ATXN7L1: variants seen among roughly 807,000 people sequenced by gnomAD.
The protein encoded by ATXN7L1 is ataxin 7 like 1, also known as ataxin-7-like protein 1.
In ATXN7L1, 15 loss-of-function variants were observed where a neutral mutation model predicts 70.8. The observed-to-expected ratio is 0.21, with a 90% CI of 0.14 to 0.33. The LOEUF (loss-of-function observed/expected upper bound fraction) is 0.33, where lower values mean the gene tolerates loss of function less well. Ranked by LOEUF, ATXN7L1 falls within the 10% of genes least tolerant of loss-of-function variation. The probability of loss-of-function intolerance (pLI) is 1.00; values close to 1 mark genes in which losing one functional copy is unlikely to be tolerated. For missense variants in ATXN7L1, 975 were observed against 1,097.1 expected, an observed-to-expected ratio of 0.89 and a Z score of 1.57; for synonymous variants, 440 against 445.1, an observed-to-expected ratio of 0.99 and a Z score of 0.14.
At chr7:105,765,967 T>C (rs1250359129) in intron 3 of ATXN7L1, among the ~76,000 whole-genome samples, 1 of 152,008 alleles carries the variant, frequency 6.6e-6, no homozygotes. Context: ...TGACCAAGGA[T>C]GTCTAGTTAA....
chr7:105,637,529 C>T (rs974394701), intron 7 of ATXN7L1, among the ~76,000 whole-genome samples: 1 of 152,164 alleles, frequency 6.6e-6, no homozygotes, highest in African/African-American at 2.4e-5. Flanking sequence ...CTTCATTAAT[C>T]TCTGTACCCC....
chr7:105,869,801 C>T (rs980285865), intron 2 of ATXN7L1, among the ~76,000 whole-genome samples: 16 of 150,024 alleles, frequency 1.1e-4, no homozygotes, highest in African/African-American at 2.9e-4. Context: ...CTATTCAGGA[C>T]TTTTTTTTTT....
At chr7:105,837,708 C>T (rs562821713) in intron 2 of ATXN7L1, among the ~76,000 whole-genome samples, 9 of 152,196 alleles carry the variant, frequency 5.9e-5, no homozygotes, top group South Asian at 2.1e-4. Context: ...ACAGCAGGGA[C>T]GGAAGGACTC....
intron 3 of ATXN7L1, among the ~76,000 whole-genome samples, chr7:105,768,619 T>C (rs931061907): frequency 1.3e-5 from 2 of 152,250 alleles, no homozygotes; most frequent in African/African-American, 2.4e-5. Flanking sequence ...AGTTCTCTTA[T>C]TACCCATTGT....
intron 3 of ATXN7L1, chr7:105,760,634 G>T: frequency 1.2e-6 from 1 of 862,612 alleles, no homozygotes; most frequent in Non-Finnish European, 1.4e-6. Flanking sequence ...AGTTGGGAAG[G>T]CAGACATTAA....
chr7:105,748,192 T>A (rs1391615652), intron 3 of ATXN7L1, among the ~76,000 whole-genome samples: 1 of 151,652 alleles, frequency 6.6e-6, no homozygotes, highest in African/African-American at 2.4e-5. Context: ...ACATTGAGCA[T>A]GATTTTTGCA....
chr7:105,721,079 G>A (rs1795128340), intron 3 of ATXN7L1, among the ~76,000 whole-genome samples: 1 of 152,100 alleles, frequency 6.6e-6, no homozygotes, highest in African/African-American at 2.4e-5. Context: ...CAACAACCAC[G>A]ACCACCCAAC....
intron 2 of ATXN7L1, among the ~76,000 whole-genome samples, chr7:105,849,491 C>T (rs747528544): frequency 3.3e-5 from 5 of 152,242 alleles, no homozygotes; most frequent in African/African-American, 4.8e-5. Flanking sequence ...GCTCATGGGT[C>T]ATGCAGGCTG....
chr7:105,619,521 TATATATATA>T (rs1429212050), intron 9 of ATXN7L1, among the ~76,000 whole-genome samples: 19 of 17,812 alleles, frequency 1.1e-3, no homozygotes, highest in Admixed American at 1.4e-3. Flanking sequence ...TATATATATA[TATATATATA>T]TTTTTTTTTT....
chr7:105,733,681 C>T (rs111203740), intron 3 of ATXN7L1, among the ~76,000 whole-genome samples: 1,466 of 6,300 alleles, frequency 0.23, 78 homozygotes, highest in South Asian at 0.26. Context: ...CATCCATCCA[C>T]CCATCCACCC....
intron 3 of ATXN7L1, chr7:105,679,236 A>G: frequency 1.3e-6 from 1 of 794,220 alleles, no homozygotes; most frequent in Non-Finnish European, 1.5e-6. Context: ...AAAGCCCGGA[A>G]CAGTCAGGGT....
At chr7:105,660,725 G>GGC (rs2116038736) in intron 4 of ATXN7L1, among the ~76,000 whole-genome samples, 1 of 151,822 alleles carries the variant, frequency 6.6e-6, no homozygotes, top group Admixed American at 6.6e-5. Context: ...TGGGATTACA[G>GGC]GTGCGCACCA....
intron 3 of ATXN7L1, among the ~76,000 whole-genome samples, chr7:105,770,366 T>G (rs923384895): frequency 1.3e-5 from 2 of 152,130 alleles, no homozygotes; most frequent in Middle Eastern, 3.2e-3. Flanking sequence ...AACAGCTGAG[T>G]CCTATAAATG....
chr7:105,683,586 G>C (rs1171159839), intron 3 of ATXN7L1, among the ~76,000 whole-genome samples: 2 of 152,164 alleles, frequency 1.3e-5, no homozygotes, highest in Non-Finnish European at 2.9e-5. Context: ...GGCTGAGGCA[G>C]AATCGCTTGA....
chr7:105,804,555 A>G (rs1807287408), intron 2 of ATXN7L1, among the ~76,000 whole-genome samples: 1 of 152,234 alleles, frequency 6.6e-6, no homozygotes. Context: ...TGACAGTTCT[A>G]CAAACACTTA....
At chr7:105,739,852 C>T (rs555798803) in intron 3 of ATXN7L1, among the ~76,000 whole-genome samples, 1 of 152,286 alleles carries the variant, frequency 6.6e-6, no homozygotes, top group South Asian at 2.1e-4. Context: ...CTCTACTATT[C>T]CATGATCTTA....
intron 3 of ATXN7L1, among the ~76,000 whole-genome samples, chr7:105,675,702 A>G (rs1804536349): frequency 6.6e-6 from 1 of 152,210 alleles, no homozygotes; most frequent in South Asian, 2.1e-4. Flanking sequence ...GCATTGCTTA[A>G]TAGGCTCTGT....
intron 7 of ATXN7L1, among the ~76,000 whole-genome samples, chr7:105,631,981 A>C (rs1796661969): frequency 6.6e-6 from 1 of 152,196 alleles, no homozygotes; most frequent in African/African-American, 2.4e-5. Context: ...TGAGAAACTG[A>C]ATGGCCCCAG....
At chr7:105,790,415 C>G (rs114433262) in intron 2 of ATXN7L1, among the ~76,000 whole-genome samples, 1 of 151,774 alleles carries the variant, frequency 6.6e-6, no homozygotes, top group Non-Finnish European at 1.5e-5. Flanking sequence ...CCCATCTCTA[C>G]GAAAAATGTA....
Sources: gnomAD v4.1 joint callset for allele counts (sites outside exome capture counted in the v4.1 genomes callset) on GRCh38, gnomAD v4.1.1 for gene constraint, MANE v1.5 for transcripts, NCBI Gene and HGNC (gene_info 2026-07-23, HGNC 2026-07-21) for gene names.